Variants in DCSTAMP observed in about 807,000 individuals in gnomAD.
The protein encoded by DCSTAMP is dendritic cell-specific transmembrane protein.
A neutral mutation model predicts 33.8 loss-of-function variants in DCSTAMP; 25 were observed. That is an observed-to-expected ratio of 0.74 (90% CI 0.54 to 1.03). The LOEUF is 1.03. Among genes scored for constraint, DCSTAMP ranks in the 50% least tolerant of loss-of-function variants. The pLI, the probability that DCSTAMP is intolerant of heterozygous loss-of-function variation, is 0.00. For synonymous variants in DCSTAMP, 245 were observed against 216.7 expected, an observed-to-expected ratio of 1.13 and a Z score of -1.15; for missense variants, 531 against 556.8, an observed-to-expected ratio of 0.95 and a Z score of 0.47.
At chr8:104,341,091 G>T (rs2099382742) in intron 1 of DCSTAMP, among the ~76,000 whole-genome samples, 1 of 152,192 alleles carries the variant, frequency 6.6e-6, no homozygotes, top group Non-Finnish European at 1.5e-5. Context: ...ATGCTCCCAA[G>T]GTCATTGTCT....
chr8:104,346,088 G>A (rs1810308347), intron 1 of DCSTAMP, among the ~76,000 whole-genome samples: 2 of 152,250 alleles, frequency 1.3e-5, no homozygotes, highest in African/African-American at 2.4e-5. Context: ...TCTCCACTGT[G>A]TGATTGCTGA....
intron 3 of DCSTAMP, 31 bp downstream of exon 3, chr8:104,355,216 T>A: frequency 6.3e-7 from 1 of 1,578,084 alleles, no homozygotes. Flanking sequence ...TAACCTCCAA[T>A]TGAGGAAGTG....
Position 104,355,202 on chromosome 8 carries a change from G to T in DCSTAMP, c.1338+17G>T. On this transcript the variant is annotated intron_variant, in intron 3 of 3. Transcript: ENST00000297581. The stretch of plus-strand genomic sequence containing the variant: ...CTTACAAAGGTAAGGCCAAGATGGT[G>T]GTGTAACCTCCAATTGAGGAAGTGT... 6.3e-7 allele frequency: 1 copy of T among 1,592,528 alleles called. No individual in the cohort carries two copies. Among genetic ancestry groups the T allele is most frequent in the Non-Finnish European group, 8.5e-7 (1 of 1,171,158 alleles).
intron 2 of DCSTAMP, among the ~76,000 whole-genome samples, chr8:104,350,751 C>G (rs1424437792): frequency 6.6e-6 from 1 of 152,198 alleles, no homozygotes; most frequent in Non-Finnish European, 1.5e-5. Context: ...TGGTCTAGGT[C>G]TTAGAAAGCA....
chr8:104,354,274 C>G, intron 2 of DCSTAMP, among the ~76,000 whole-genome samples: 1 of 152,102 alleles, frequency 6.6e-6, no homozygotes, highest in Non-Finnish European at 1.5e-5. Flanking sequence ...TAAGAATAAT[C>G]CCCCCTAAGC....
At chr8:104,348,257 G>A (rs1588372719) in intron 1 of DCSTAMP, among the ~76,000 whole-genome samples, 2 of 152,184 alleles carry the variant, frequency 1.3e-5, no homozygotes, top group African/African-American at 2.4e-5. Context: ...GTGAGAGCAC[G>A]TGGAGCGAGT....
At position 104,349,526 on chromosome 8, in the gene DCSTAMP, G is replaced by C. The variant is rs768217007; in HGVS notation, c.974G>C (p.Ser325Thr). Reference sequence around the variant, plus strand: ...CTGTATCGGCTCATTTTCTCAGTGAGCAAGCAGTTTCAAAGCTTGCCAGGG... The same window carrying C: ...CTGTATCGGCTCATTTTCTCAGTGACCAAGCAGTTTCAAAGCTTGCCAGGG... The part of the protein sequence containing the change: ...YLLYRLIFSV[S>T]KQFQSLPGFE... The change falls in exon 2 of 4, where the codon AGC becomes ACC. Residue 325 changes from serine to threonine, a missense_variant. Transcript: ENST00000297581. 2 of 1,613,918 alleles carry C rather than the reference G, an allele frequency of 1.2e-6. No individual in the cohort carries two copies. Among genetic ancestry groups the C allele is most frequent in the Admixed American group, 1.7e-5 (1 of 59,990 alleles).
In DCSTAMP at chr8:104,348,746, G is replaced by A. The variant is rs149253106; in HGVS notation, c.194G>A (p.Trp65Ter). 18 of 1,614,004 alleles carry A rather than the reference G, an allele frequency of 1.1e-5. No individual in the cohort carries two copies. The African/African-American group carries it at 2.3e-4, about 20-fold the overall frequency. Residue 65 changes from tryptophan (W) to a stop codon, truncating the protein, a stop_gained, in exon 2 of 4, where the codon TGG becomes TAG. Transcript: ENST00000297581. LOFTEE classifies it high-confidence loss of function. Reference sequence around the variant, plus strand: ...TCAATCATAGCGGCCGCTGCCTCCTGGATTATCACGTGTGTTCTGCTGTGT... The same window carrying A: ...TCAATCATAGCGGCCGCTGCCTCCTAGATTATCACGTGTGTTCTGCTGTGT... ...LPSIIAAAASWIITCVLLCCS... is the reference protein window; with the variant it reads ...LPSIIAAAAS
At chr8:104,351,888 G>C (rs1253033688) in intron 2 of DCSTAMP, among the ~76,000 whole-genome samples, 2 of 152,110 alleles carry the variant, frequency 1.3e-5, no homozygotes, top group Non-Finnish European at 2.9e-5. Flanking sequence ...CAGTAAACAA[G>C]TCCTGCTTAT....
chr8:104,345,542 T>G lies in DCSTAMP; in HGVS notation c.-12-2999T>G, dbSNP rs755323422. Reference sequence around the variant, plus strand: ...TGTTGCCTGTTAAGAAAACGTGTTCTTCTTACAGGACAAAATTGCAGTCGT... The same window carrying G: ...TGTTGCCTGTTAAGAAAACGTGTTCGTCTTACAGGACAAAATTGCAGTCGT... On this transcript the variant is annotated intron_variant, in intron 1 of 3. Transcript: ENST00000297581. Among the ~76,000 whole-genome samples, 110 of 152,358 alleles carry G rather than the reference T, an allele frequency of 7.2e-4. 1 individual carries two copies. The highest frequency in any genetic ancestry group is 6.8e-3 in the Middle Eastern group (2 of 294).
chr8:104,356,261 T>A lies in DCSTAMP; in HGVS notation c.*63T>A. 1 of 1,501,082 alleles carries A rather than the reference T, an allele frequency of 6.7e-7. No homozygotes were observed. Among genetic ancestry groups the A allele is most frequent in the Non-Finnish European group, 9.1e-7 (1 of 1,098,586 alleles). The allele number at this position is 1,501,082 out of a possible 1,614,324, so 93.0% of individuals were successfully genotyped here. A position where few individuals can be genotyped will look rare whatever the true frequency, so the allele number is the denominator to read the frequency against. On this transcript the variant is annotated 3_prime_UTR_variant, in exon 4 of 4. Transcript: ENST00000297581. ...ATTCTCTTCAGGTCTAGGATGGCAGTCACTATTCATGCCGGATAATAGAGA... is the reference window on the plus strand; with the variant it reads ...ATTCTCTTCAGGTCTAGGATGGCAGACACTATTCATGCCGGATAATAGAGA...
At chr8:104,355,455 A>G (rs1305577816) in intron 3 of DCSTAMP, among the ~76,000 whole-genome samples, 1 of 152,192 alleles carries the variant, frequency 6.6e-6, no homozygotes, top group Non-Finnish European at 1.5e-5. Context: ...AGGCGACTGG[A>G]GAGGTCCTTA....
At chr8:104,344,469 G>A (rs1007336590) in intron 1 of DCSTAMP, among the ~76,000 whole-genome samples, 1 of 152,148 alleles carries the variant, frequency 6.6e-6, no homozygotes, top group Non-Finnish European at 1.5e-5. Context: ...AGCACGCCCA[G>A]CATCACAGAC....
chr8:104,342,275 G>A lies in DCSTAMP; in HGVS notation c.-13+2413G>A, dbSNP rs75956982. ...AAGGTGAGAAGCCAGCCAGAGAGGA[G>A]AGAAGAGAGCCATGTGAACGTCATC... On this transcript the variant is annotated intron_variant, in intron 1 of 3. Coordinates refer to ENST00000297581, the MANE Select transcript of DCSTAMP (RefSeq NM_030788.4). 7.5e-3 allele frequency among the ~76,000 whole-genome samples: 1,143 copies of A among 152,304 alleles called. 7 individuals are homozygous for A. The highest frequency in any genetic ancestry group is 0.024 in the African/African-American group (1,003 of 41,576).
In DCSTAMP at chr8:104,349,300, C is replaced by A. The variant is rs755382087; in HGVS notation, c.748C>A (p.Gln250Lys). The A allele has an allele frequency of 6.2e-7, 1 of 1,614,038 alleles. No individual in the cohort carries two copies. Among genetic ancestry groups the A allele is most frequent in the Non-Finnish European group, 8.5e-7 (1 of 1,180,024 alleles). ...GTATGAAAACATCTACATCACCAGACAATTTGTTCAGTTTGATGAAAGGGA... is the reference window on the plus strand; with the variant it reads ...GTATGAAAACATCTACATCACCAGAAAATTTGTTCAGTTTGATGAAAGGGA... ...WKYENIYITR[Q>K]FVQFDERERH... Residue 250 changes from glutamine to lysine, a missense_variant, in exon 2 of 4, where the codon CAA (glutamine) becomes AAA (lysine). Gln to Lys is a moderately conservative substitution (Grantham distance 53). Coordinates refer to ENST00000297581, the MANE Select transcript of DCSTAMP (RefSeq NM_030788.4).
chr8:104,354,945 C>T lies in DCSTAMP; in HGVS notation c.1098C>T (p.Ile366=), dbSNP rs778514610. 5.6e-6 allele frequency: 9 copies of T among 1,613,370 alleles called. No homozygotes were observed. Among genetic ancestry groups the T allele is most frequent in the African/African-American group, 1.3e-5 (1 of 74,902 alleles). The change falls in exon 3 of 4, where the codon ATC becomes ATT. Residue 366 remains isoleucine, a synonymous_variant. Transcript: ENST00000297581. ...FNISVFEPNC[I]PKPKFLLSET... ...TATCTGTGTTTGAACCCAACTGTAT[C>T]CCAAAACCAAAATTCCTTCTATCTG...
At chr8:104,347,359 C>T (rs960407888) in intron 1 of DCSTAMP, among the ~76,000 whole-genome samples, 1 of 152,210 alleles carries the variant, frequency 6.6e-6, no homozygotes, top group African/African-American at 2.4e-5. Context: ...TGGCCTCAGT[C>T]CAAGGCTGCA....
intron 2 of DCSTAMP, among the ~76,000 whole-genome samples, chr8:104,350,474 A>G (rs1358367875): frequency 6.6e-6 from 1 of 152,212 alleles, no homozygotes; most frequent in Non-Finnish European, 1.5e-5. Flanking sequence ...ATTGTTGAAA[A>G]GGGCTCCTAA....
intron 3 of DCSTAMP, 22 bp from the exon 4 acceptor site, chr8:104,356,102 A>G (rs762789596): frequency 4.4e-6 from 7 of 1,603,418 alleles, no homozygotes; most frequent in Non-Finnish European, 6.0e-6. Context: ...ATGCCCATTT[A>G]TCCACTTTTC....
Sources: gnomAD v4.1 joint callset for allele counts (sites outside exome capture counted in the v4.1 genomes callset) on GRCh38, gnomAD v4.1.1 for gene constraint, MANE v1.5 for transcripts, NCBI Gene and HGNC (gene_info 2026-07-23, HGNC 2026-07-21) for gene names.